LYN: variants seen among roughly 807,000 people sequenced by gnomAD.
LYN encodes the protein tyrosine-protein kinase Lyn.
Under a neutral mutation model 65.0 loss-of-function variants are expected in LYN, and 12 were observed. That is an observed-to-expected ratio of 0.18 (90% CI 0.12 to 0.30). The LOEUF (loss-of-function observed/expected upper bound fraction) is 0.30, where lower values mean the gene tolerates loss of function less well. LYN is among the 10% of genes least tolerant of loss of function. The pLI is 1.00. For missense variants in LYN, 380 were observed against 623.2 expected (o/e 0.61, Z 4.16); for synonymous variants, 222 against 221.2 (o/e 1.00, Z -0.03).
chr8:55,937,521 A>G (rs923230906), intron 1 of LYN, among the ~76,000 whole-genome samples: 28 of 152,248 alleles, frequency 1.8e-4, no homozygotes, highest in Admixed American at 1.3e-4. Context: ...ACTATAAGTC[A>G]TGCTAGCGGG....
intron 10 of LYN, among the ~76,000 whole-genome samples, chr8:55,982,394 T>A (rs1807952260): frequency 6.6e-6 from 1 of 152,170 alleles, no homozygotes; most frequent in Non-Finnish European, 1.5e-5. Context: ...TGGAGCAATA[T>A]GGATTTTGGG....
chr8:56,002,657 A>G (rs1808552286), intron 12 of LYN, among the ~76,000 whole-genome samples: 1 of 151,790 alleles, frequency 6.6e-6, no homozygotes, highest in Non-Finnish European at 1.5e-5. Flanking sequence ...ATTAAAAAAT[A>G]AAAAGAGAAC....
intron 8 of LYN, among the ~76,000 whole-genome samples, chr8:55,956,913 A>G (rs1429208720): frequency 6.6e-6 from 1 of 152,246 alleles, no homozygotes; most frequent in African/African-American, 2.4e-5. Flanking sequence ...AAGAGTGTAC[A>G]GGCTCTACGG....
intron 1 of LYN, among the ~76,000 whole-genome samples, chr8:55,906,681 TG>T (rs1427521125): frequency 4.0e-5 from 6 of 150,176 alleles, no homozygotes; most frequent in Admixed American, 1.3e-4. Flanking sequence ...GAGATCAGCT[TG>T]GGCAACGTAG....
chr8:55,980,564 G>A (rs1585662465), intron 10 of LYN: 2 of 152,326 alleles, frequency 1.3e-5, no homozygotes, highest in East Asian at 3.9e-4. Flanking sequence ...GTGTTGTCCA[G>A]TTTGGCAAAC....
At chr8:55,907,678 G>A (rs182074893) in intron 1 of LYN, among the ~76,000 whole-genome samples, 145 of 152,172 alleles carry the variant, frequency 9.5e-4, no homozygotes, top group Non-Finnish European at 1.5e-3. Context: ...ACCAGCCTAG[G>A]CAACATAGGG....
At chr8:55,887,976 G>A (rs1804851221) in intron 1 of LYN, among the ~76,000 whole-genome samples, 1 of 152,202 alleles carries the variant, frequency 6.6e-6, no homozygotes, top group African/African-American at 2.4e-5. Flanking sequence ...ACTGCAGAAG[G>A]CAGGTGGAAG....
At chr8:55,898,583 C>T (rs1805181918) in intron 1 of LYN, among the ~76,000 whole-genome samples, 1 of 152,184 alleles carries the variant, frequency 6.6e-6, no homozygotes, top group Admixed American at 6.6e-5. Flanking sequence ...GCCACCCACA[C>T]CCAGCTGAAT....
intron 1 of LYN, among the ~76,000 whole-genome samples, chr8:55,885,056 TC>T (rs1301058560): frequency 6.6e-6 from 1 of 152,176 alleles, no homozygotes; most frequent in Admixed American, 6.6e-5. Flanking sequence ...TCTTCTGCTC[TC>T]CCCACTTCAT....
chr8:55,999,373 T>A, intron 11 of LYN, 45 bp from the exon 12 acceptor site: 1 of 1,575,476 alleles, frequency 6.3e-7, no homozygotes, highest in Non-Finnish European at 8.7e-7. Context: ...ACTTTTTTGT[T>A]TAAGTTTAAA....
chr8:55,942,628 T>C (rs1806656645), intron 2 of LYN, among the ~76,000 whole-genome samples: 1 of 150,938 alleles, frequency 6.6e-6, no homozygotes. Flanking sequence ...CTACTAAAAA[T>C]ACAAAAATTA....
chr8:55,951,664 C>CAA lies in LYN; in HGVS notation c.488-289_488-288dup, dbSNP rs75568524. Among the ~76,000 whole-genome samples the CAA allele has an allele frequency of 3.4e-3, 366 of 108,838 alleles. 2 individuals carry two copies. The highest frequency in any genetic ancestry group is 0.011 in the African/African-American group (349 of 31,814). 71.4% of individuals were successfully genotyped at this position (108,838 alleles called of 152,430 possible). ...TGGGTGACAGAGCAACAACCTATTT[C>CAA]AAAAAAAAAAAAAAGAAAATCAAAG... On this transcript the variant is annotated intron_variant, in intron 6 of 12. Transcript: ENST00000519728.
chr8:55,906,990 T>TA (rs1467244499), intron 1 of LYN, among the ~76,000 whole-genome samples: 1 of 152,196 alleles, frequency 6.6e-6, no homozygotes, highest in African/African-American at 2.4e-5. Context: ...GAGACGAGTA[T>TA]AAACAGGTAT....
At chr8:55,921,512 T>C (rs1805947914) in intron 1 of LYN, among the ~76,000 whole-genome samples, 1 of 152,156 alleles carries the variant, frequency 6.6e-6, no homozygotes, top group African/African-American at 2.4e-5. Flanking sequence ...TCCAAATTGA[T>C]TGTGGAGAGA....
At chr8:56,006,173 A>G (rs1020857263) in intron 12 of LYN, among the ~76,000 whole-genome samples, 1 of 152,016 alleles carries the variant, frequency 6.6e-6, no homozygotes, top group Non-Finnish European at 1.5e-5. Context: ...AAGTGAAAAA[A>G]TTTTCTGAAG....
At chr8:55,993,073 T>C (rs540223256) in intron 10 of LYN, among the ~76,000 whole-genome samples, 1 of 152,282 alleles carries the variant, frequency 6.6e-6, no homozygotes, top group African/African-American at 2.4e-5. Flanking sequence ...GATATTACAA[T>C]AGTTTGTGGC....
At chr8:55,901,427 G>A (rs187757737) in intron 1 of LYN, among the ~76,000 whole-genome samples, 31 of 152,234 alleles carry the variant, frequency 2.0e-4, no homozygotes, top group Admixed American at 1.8e-3. Flanking sequence ...TTAATTGAAC[G>A]GTTTCATCTC....
At chr8:55,938,312 A>G (rs1325982332) in intron 1 of LYN, among the ~76,000 whole-genome samples, 1 of 152,230 alleles carries the variant, frequency 6.6e-6, no homozygotes, top group East Asian at 1.9e-4. Flanking sequence ...CTCAGTTACT[A>G]TCTTGTTTTA....
chr8:55,884,139 G>A (rs1347860611), intron 1 of LYN, among the ~76,000 whole-genome samples: 1 of 152,106 alleles, frequency 6.6e-6, no homozygotes, highest in Non-Finnish European at 1.5e-5. Context: ...TCACTCTGTC[G>A]CCCAGCCTGG....
Sources: allele counts gnomAD v4.1 joint callset (sites outside exome capture counted in the v4.1 genomes callset), GRCh38; gene constraint gnomAD v4.1.1; transcripts MANE v1.5; gene names NCBI Gene and HGNC (gene_info 2026-07-23, HGNC 2026-07-21).